VTCN1: variants seen among roughly 807,000 people sequenced by gnomAD.
VTCN1 encodes the protein V-set domain containing T cell activation inhibitor 1, also known as V-set domain-containing T-cell activation inhibitor 1.
VTCN1 carries 26 observed loss-of-function variants against 26.5 expected under a neutral mutation model. The observed-to-expected ratio is 0.98, with a 90% CI of 0.72 to 1.36. The LOEUF is 1.36. Ranked by LOEUF, VTCN1 falls within the 40% of genes most tolerant of loss-of-function variation. The pLI, the probability that VTCN1 is intolerant of heterozygous loss-of-function variation, is 0.00. For missense variants in VTCN1, 298 were observed against 337.7 expected (o/e 0.88, Z 0.92); for synonymous variants, 116 against 130.7 (o/e 0.89, Z 0.77).
At chr1:117,170,397 G>A (rs1243574506) in intron 1 of VTCN1, 18 of 618,796 alleles carry the variant, frequency 2.9e-5, no homozygotes, top group Non-Finnish European at 1.2e-5. Context: ...AGTGACCCTT[G>A]CCTCTGACTG....
chr1:117,179,611 G>A (rs185957454), intron 1 of VTCN1, among the ~76,000 whole-genome samples: 1 of 152,112 alleles, frequency 6.6e-6, no homozygotes, highest in South Asian at 2.1e-4. Flanking sequence ...ACACACAGGG[G>A]GTGGGAAAAG....
intron 1 of VTCN1, among the ~76,000 whole-genome samples, chr1:117,195,458 C>T (rs769815838): frequency 6.6e-6 from 1 of 151,690 alleles, no homozygotes; most frequent in Non-Finnish European, 1.5e-5. Flanking sequence ...ACATTGTATG[C>T]CTTAAATATA....
At chr1:117,187,309 CAAAAAA>C (rs11415949) in intron 1 of VTCN1, among the ~76,000 whole-genome samples, 8 of 73,254 alleles carry the variant, frequency 1.1e-4, no homozygotes, top group African/African-American at 3.8e-4. Context: ...GACCTTGTCT[CAAAAAA>C]AAAAAAAAAA....
Position 117,147,266 on chromosome 1 carries a change from GC to G in VTCN1, c.*45+346del, listed in dbSNP as rs750266489. Among the ~76,000 whole-genome samples the G allele has an allele frequency of 3.3e-5, 5 of 152,150 alleles. No homozygotes were observed. The highest frequency in any genetic ancestry group is 5.9e-5 in the Non-Finnish European group (4 of 68,020). ...AGGGGTTTTATGTGAATGATGATAT[GC>G]TTTATAAATAACAGTGGAATCCAGG... is the stretch of plus-strand genomic sequence containing the variant. On this transcript the variant is annotated intron_variant, in intron 5 of 5. Transcript: ENST00000369458. The surrounding 1 kb of genome is among the most constrained non-coding windows in gnomAD (Gnocchi z 4.6).
intron 1 of VTCN1, among the ~76,000 whole-genome samples, chr1:117,195,128 G>T (rs922487806): frequency 7.2e-5 from 11 of 151,842 alleles, no homozygotes; most frequent in Non-Finnish European, 1.3e-4. Flanking sequence ...CAGGCATGAT[G>T]GAGGGCGCCT....
intron 2 of VTCN1, among the ~76,000 whole-genome samples, chr1:117,158,270 T>C (rs1652189238): frequency 6.6e-6 from 1 of 152,168 alleles, no homozygotes; most frequent in Non-Finnish European, 1.5e-5. Flanking sequence ...TAGCAGAAGT[T>C]CTCCATGAGA....
chr1:117,166,608 T>C (rs1164952603), intron 2 of VTCN1, among the ~76,000 whole-genome samples: 1 of 145,092 alleles, frequency 6.9e-6, no homozygotes, highest in Admixed American at 7.0e-5. Flanking sequence ...ACAAAAAAAT[T>C]AGCCAGGTGT....
intron 1 of VTCN1, among the ~76,000 whole-genome samples, chr1:117,170,918 C>T (rs553755289): frequency 1.6e-4 from 25 of 152,202 alleles, no homozygotes; most frequent in Admixed American, 8.5e-4. Context: ...ACACATGTGT[C>T]ATGGTGGTTT....
chr1:117,197,756 A>G (rs1425526324), intron 1 of VTCN1, among the ~76,000 whole-genome samples: 2 of 152,028 alleles, frequency 1.3e-5, no homozygotes, highest in African/African-American at 2.4e-5. Context: ...TTCTTTGTTC[A>G]AGACTCCGAG....
chr1:117,193,310 G>A (rs1648341437), intron 1 of VTCN1, among the ~76,000 whole-genome samples: 1 of 152,084 alleles, frequency 6.6e-6, no homozygotes, highest in Non-Finnish European at 1.5e-5. Flanking sequence ...AAGACAGAAT[G>A]ATTGAACAGA....
rs777097336 is a variant in VTCN1 at position 117,210,893 on chromosome 1, G to T, written c.-38C>A. The T allele has an allele frequency of 1.2e-6, 2 of 1,612,636 alleles. No individual in the cohort carries two copies. Among genetic ancestry groups the T allele is most frequent in the South Asian group, 2.2e-5 (2 of 91,042 alleles). Reference sequence around the variant, plus strand: ...TTCCCAGCGTATCTGGGTACTGGCTGAGTGGAGCTGCCGCTGCCTTCCTTG... The same window carrying T: ...TTCCCAGCGTATCTGGGTACTGGCTTAGTGGAGCTGCCGCTGCCTTCCTTG... On this transcript the variant is annotated 5_prime_UTR_variant, in exon 1 of 6. Coordinates refer to ENST00000369458, the MANE Select transcript of VTCN1 (RefSeq NM_024626.4).
intron 1 of VTCN1, among the ~76,000 whole-genome samples, chr1:117,186,033 A>C (rs1490026612): frequency 6.6e-6 from 1 of 152,218 alleles, no homozygotes; most frequent in African/African-American, 2.4e-5. Flanking sequence ...ATTGATTAAG[A>C]CCTGTCTCAG....
intron 1 of VTCN1, among the ~76,000 whole-genome samples, chr1:117,171,167 T>G (rs1176256455): frequency 6.6e-6 from 1 of 152,226 alleles, no homozygotes; most frequent in East Asian, 1.9e-4. Context: ...TCCATGTTCC[T>G]GCAAAGGACA....
chr1:117,187,513 A>G (rs1358351361), intron 1 of VTCN1, among the ~76,000 whole-genome samples: 1 of 152,116 alleles, frequency 6.6e-6, no homozygotes, highest in African/African-American at 2.4e-5. Flanking sequence ...TCTTTAGTGT[A>G]TAGCTTCCCT....
Position 117,209,358 on chromosome 1 carries a change from G to A in VTCN1, c.32+1466C>T, listed in dbSNP as rs140775628. ...TGCAGGAGGAGTGTTTCATGTCCTT[G>A]GGATCAAGGCTGGAGGAATGGTGGG... is the stretch of plus-strand genomic sequence containing the variant. On this transcript the variant is annotated intron_variant, in intron 1 of 5. Coordinates refer to ENST00000369458, the MANE Select transcript of VTCN1 (RefSeq NM_024626.4). Among the ~76,000 whole-genome samples the A allele has an allele frequency of 3.1e-3, 466 of 152,286 alleles. 2 individuals carry two copies. Among genetic ancestry groups the A allele is most frequent in the African/African-American group, 0.011 (449 of 41,550 alleles).
chr1:117,209,380 T>G (rs4659224), intron 1 of VTCN1, among the ~76,000 whole-genome samples: 150,617 of 152,280 alleles, frequency 0.99, 74,512 homozygotes, highest in East Asian at 1. Context: ...GGAGGAATGG[T>G]GGGCATGGAG....
At chr1:117,205,114 T>G (rs1332107018) in intron 1 of VTCN1, among the ~76,000 whole-genome samples, 2 of 143,416 alleles carry the variant, frequency 1.4e-5, no homozygotes, top group African/African-American at 5.1e-5. Context: ...TGTATATGTA[T>G]ATGTATATAT....
chr1:117,165,597 C>T lies in VTCN1; in HGVS notation c.97+4510G>A, dbSNP rs908349551. Among the ~76,000 whole-genome samples the T allele has an allele frequency of 5.3e-5, 8 of 152,084 alleles. No individual in the cohort carries two copies. In the East Asian group the frequency reaches 5.8e-4, roughly 11 times the overall value. On this transcript the variant is annotated intron_variant, in intron 2 of 5. Coordinates refer to ENST00000369458, the MANE Select transcript of VTCN1 (RefSeq NM_024626.4). ...TCTCTCTCCCTCTTGCTCCTGCTTTCGACATATGACATGACTGTTTCCCCT... is the reference window on the plus strand; with the variant it reads ...TCTCTCTCCCTCTTGCTCCTGCTTTTGACATATGACATGACTGTTTCCCCT...
intron 1 of VTCN1, among the ~76,000 whole-genome samples, chr1:117,203,149 C>T (rs928134325): frequency 2.6e-5 from 4 of 151,834 alleles, no homozygotes; most frequent in East Asian, 3.9e-4. Context: ...GTGAGGGTAG[C>T]GGGTAGTTTT....
Sources: allele counts gnomAD v4.1 joint callset (sites outside exome capture counted in the v4.1 genomes callset), GRCh38; gene constraint gnomAD v4.1.1; non-coding constraint Gnocchi (gnomAD v3.1); transcripts MANE v1.5; gene names NCBI Gene and HGNC (gene_info 2026-07-23, HGNC 2026-07-21).